SLC5A10: variants seen among roughly 807,000 people sequenced by gnomAD.
SLC5A10 encodes sodium/mannose cotransporter SLC5A10.
Under a neutral mutation model 68.9 loss-of-function variants are expected in SLC5A10, and 55 were observed. That is an observed-to-expected ratio of 0.80 (90% CI 0.64 to 1.00). The LOEUF (loss-of-function observed/expected upper bound fraction) is 1.00. SLC5A10 is among the 50% of genes least tolerant of loss of function. The probability of loss-of-function intolerance (pLI) is 0.00; values close to 1 mark genes in which losing one functional copy is unlikely to be tolerated. For missense variants in SLC5A10, 732 were observed against 819.3 expected, an observed-to-expected ratio of 0.89 and a Z score of 1.30; for synonymous variants, 344 against 344.8, an observed-to-expected ratio of 1.00 and a Z score of 0.02.
At chr17:19,013,171 G>A (rs1450757167) in intron 9 of SLC5A10, among the ~76,000 whole-genome samples, 1 of 152,228 alleles carries the variant, frequency 6.6e-6, no homozygotes, top group Admixed American at 6.5e-5. Context: ...TGAGCCCCCT[G>A]GCCAAGAAGT....
chr17:18,971,227 C>T lies in SLC5A10; in HGVS notation c.846+9C>T. ...ACTGGTGCACCGACCAGGTGAGTGC[C>T]AACGTCTCCCGCCCATCCCACCTTC... is the stretch of plus-strand genomic sequence containing the variant. On this transcript the variant is annotated intron_variant, in intron 8 of 14. Transcript: ENST00000395645. This position sits in a 1 kb window ranked among gnomAD's most constrained non-coding sequence, Gnocchi z 5.5. 3.7e-6 allele frequency: 6 copies of T among 1,613,632 alleles called. No individual in the cohort carries two copies. The African/African-American group carries it at 5.3e-5, about 14-fold the overall frequency.
intron 9 of SLC5A10, among the ~76,000 whole-genome samples, chr17:18,980,912 T>C (rs533683867): frequency 6.6e-6 from 1 of 152,128 alleles, no homozygotes; most frequent in South Asian, 2.1e-4. Context: ...CCTCCTGTGA[T>C]GGGAGTCTCA....
rs1479989464 is a variant in SLC5A10, at chr17:18,970,958, G to A, written c.641-55G>A. 1.1e-5 allele frequency: 17 copies of A among 1,534,376 alleles called. No individual in the cohort carries two copies. The Admixed American group carries it at 1.5e-4, about 14-fold the overall frequency. ...GAGATGAAGGCAGGGGGGAGCCCAG[G>A]GAGTCAGGGCCCCGCAACCACCAAA... On this transcript the variant is annotated intron_variant, in intron 7 of 14. Coordinates refer to ENST00000395645, the MANE Select transcript of SLC5A10 (RefSeq NM_001042450.4).
chr17:18,960,724 T>C, intron 5 of SLC5A10, 72 bp downstream of exon 5: 2 of 1,365,230 alleles, frequency 1.5e-6, no homozygotes, highest in Non-Finnish European at 2.1e-6. Flanking sequence ...CAAGAGGACC[T>C]GACATCTTCT....
intron 9 of SLC5A10, chr17:18,977,574 C>T (rs911984177): frequency 6.2e-7 from 1 of 1,605,046 alleles, no homozygotes. Context: ...GTGCAGGGAC[C>T]CTGACCCACC....
intron 5 of SLC5A10, among the ~76,000 whole-genome samples, chr17:18,966,888 C>T (rs905166829): frequency 5.3e-5 from 8 of 152,002 alleles, no homozygotes; most frequent in South Asian, 2.1e-4. Context: ...TGCAGGGTGC[C>T]GGCAGGGTGG....
Position 19,005,656 on chromosome 17 carries a change from C to CT in SLC5A10, c.983-7753dup, listed in dbSNP as rs879937724. Among the ~76,000 whole-genome samples, 4 of 152,078 alleles carry CT rather than the reference C, an allele frequency of 2.6e-5. No individual in the cohort carries two copies. In the South Asian group the frequency reaches 6.3e-4, roughly 24 times the overall value. ...GGCCTTGTGCCCTCAAACCCCCCCC[C>CT]TCCAAGGCCTTCTCCACCATTCATG... On this transcript the variant is annotated intron_variant, in intron 9 of 14. Coordinates refer to ENST00000395645, the MANE Select transcript of SLC5A10 (RefSeq NM_001042450.4).
chr17:18,971,270 T>C lies in SLC5A10; in HGVS notation c.846+52T>C. On this transcript the variant is annotated intron_variant, in intron 8 of 14. Coordinates refer to ENST00000395645, the MANE Select transcript of SLC5A10 (RefSeq NM_001042450.4). This position sits in a 1 kb window ranked among gnomAD's most constrained non-coding sequence, Gnocchi z 5.5. ...CCACCTTCCTGCCGTCCCAGTGGGC[T>C]CTGGTAGGCCCAGGCGGCCTGTCTG... 5 of 1,611,280 alleles carry C rather than the reference T, an allele frequency of 3.1e-6. No individual in the cohort carries two copies. The highest frequency in any genetic ancestry group is 4.2e-6 in the Non-Finnish European group (5 of 1,178,094).
intron 1 of SLC5A10, among the ~76,000 whole-genome samples, chr17:18,954,662 G>A (rs1439185185): frequency 6.6e-6 from 1 of 152,224 alleles, no homozygotes; most frequent in Non-Finnish European, 1.5e-5. Context: ...GGGGCCGGGG[G>A]GAGGCCTTTA....
At chr17:19,007,885 G>A (rs556400868) in intron 9 of SLC5A10, among the ~76,000 whole-genome samples, 1 of 152,216 alleles carries the variant, frequency 6.6e-6, no homozygotes, top group South Asian at 2.1e-4. Flanking sequence ...TATATTTAAC[G>A]TTTTATTTGG....
chr17:18,956,720 C>A (rs2042511230), intron 1 of SLC5A10, among the ~76,000 whole-genome samples: 1 of 152,130 alleles, frequency 6.6e-6, no homozygotes, highest in Non-Finnish European at 1.5e-5. Context: ...GAGTAACCCT[C>A]CTTCCTTGGC....
At chr17:18,970,718 G>A (rs2042820720) in intron 7 of SLC5A10, 1 of 449,416 alleles carries the variant, frequency 2.2e-6, no homozygotes, top group East Asian at 4.1e-5. Context: ...GCCGATGAGT[G>A]TCCAGAGGCC....
intron 7 of SLC5A10, chr17:18,970,677 C>CG: frequency 3.0e-6 from 1 of 336,260 alleles, no homozygotes; most frequent in Non-Finnish European, 5.5e-6. Context: ...AATCGACAAT[C>CG]GGAAACCTGG....
intron 9 of SLC5A10, among the ~76,000 whole-genome samples, chr17:18,998,915 CTGTTCT>C (rs1248660414): frequency 2.6e-5 from 4 of 152,212 alleles, no homozygotes; most frequent in Non-Finnish European, 5.9e-5. Context: ...AGAGCTCACC[CTGTTCT>C]TGTGAGTCCC....
intron 9 of SLC5A10, among the ~76,000 whole-genome samples, chr17:18,998,177 G>T (rs2043615924): frequency 6.6e-6 from 1 of 152,262 alleles, no homozygotes; most frequent in South Asian, 2.1e-4. Context: ...CCAGGCTGGG[G>T]CCAACGTGGG....
chr17:18,954,535 C>T (rs2042448860), intron 1 of SLC5A10, among the ~76,000 whole-genome samples: 1 of 152,206 alleles, frequency 6.6e-6, no homozygotes, highest in Non-Finnish European at 1.5e-5. Context: ...CAGAAAAGAT[C>T]AGAACCAGAC....
At chr17:18,981,028 C>T (rs1335864430) in intron 9 of SLC5A10, among the ~76,000 whole-genome samples, 2 of 152,186 alleles carry the variant, frequency 1.3e-5, no homozygotes, top group Non-Finnish European at 2.9e-5. Flanking sequence ...CACTCACTGG[C>T]CCCAGCTTAT....
Position 19,000,822 on chromosome 17 carries a change from G to A in SLC5A10, c.983-12588G>A, listed in dbSNP as rs901595978. On this transcript the variant is annotated intron_variant, in intron 9 of 14. Coordinates refer to ENST00000395645, the MANE Select transcript of SLC5A10 (RefSeq NM_001042450.4). This position sits in a 1 kb window ranked among gnomAD's most constrained non-coding sequence, Gnocchi z 5.2. ...GATTCATGGGGAGAGATAAGGCAGG[G>A]AGCGCTCCCAGGAAGCAGGCAGACA... Among the ~76,000 whole-genome samples, 5 of 152,156 alleles carry A rather than the reference G, an allele frequency of 3.3e-5. No homozygotes were observed. Among genetic ancestry groups the A allele is most frequent in the African/African-American group, 1.2e-4 (5 of 41,424 alleles).
chr17:18,985,250 T>C (rs2043241095), intron 9 of SLC5A10, among the ~76,000 whole-genome samples: 2 of 152,198 alleles, frequency 1.3e-5, no homozygotes, highest in Admixed American at 1.3e-4. Context: ...ACAGCACCCC[T>C]GACAGATAAA....
Sources: gnomAD v4.1 joint callset for allele counts (sites outside exome capture counted in the v4.1 genomes callset) on GRCh38, gnomAD v4.1.1 for gene constraint, Gnocchi (gnomAD v3.1) non-coding constraint, MANE v1.5 for transcripts, NCBI Gene and HGNC (gene_info 2026-07-23, HGNC 2026-07-21) for gene names.